The following IQGAP2 variants were observed in gnomAD, a reference collection of about 807,000 sequenced individuals.
IQGAP2 encodes the protein IQ motif containing GTPase activating protein 2, also known as ras GTPase-activating-like protein IQGAP2.
A neutral mutation model predicts 201.3 loss-of-function variants in IQGAP2; 173 were observed. That is an observed-to-expected ratio of 0.86 (90% CI 0.76 to 0.98). IQGAP2 has a LOEUF of 0.98. Among genes scored for constraint, IQGAP2 ranks in the 50% least tolerant of loss-of-function variants. The pLI, the probability that IQGAP2 is intolerant of heterozygous loss-of-function variation, is 0.00. For synonymous variants in IQGAP2, 675 were observed against 673.9 expected (o/e 1.00, Z -0.03); for missense variants, 1,687 against 1,864.8 (o/e 0.90, Z 1.76).
At chr5:76,628,684 G>A (rs1388496797) in intron 14 of IQGAP2, 3 of 456,218 alleles carry the variant, frequency 6.6e-6, no homozygotes, top group South Asian at 4.6e-5. Flanking sequence ...TTACTCCACA[G>A]ATGGGCTTTT....
At chr5:76,543,806 A>G (rs1742929364) in intron 2 of IQGAP2, among the ~76,000 whole-genome samples, 1 of 152,040 alleles carries the variant, frequency 6.6e-6, no homozygotes, top group South Asian at 2.1e-4. Flanking sequence ...GGTAGATGGG[A>G]CGAGGTTTTT....
At chr5:76,459,778 A>G (rs1754323159) in intron 1 of IQGAP2, among the ~76,000 whole-genome samples, 1 of 152,022 alleles carries the variant, frequency 6.6e-6, no homozygotes, top group East Asian at 1.9e-4. Flanking sequence ...AGCTGGGATT[A>G]CAGCTGGGAT....
intron 1 of IQGAP2, among the ~76,000 whole-genome samples, chr5:76,434,914 G>T (rs1316359082): frequency 6.6e-6 from 1 of 152,030 alleles, no homozygotes; most frequent in Non-Finnish European, 1.5e-5. Context: ...GAGTAAGGTG[G>T]TATCTCATTG....
intron 1 of IQGAP2, among the ~76,000 whole-genome samples, chr5:76,430,266 C>A (rs543200838): frequency 1.3e-5 from 2 of 152,212 alleles, no homozygotes; most frequent in South Asian, 4.2e-4. Context: ...GCTGTCTCTG[C>A]TCCATTTACT....
At chr5:76,544,474 CAT>C (rs1006316303) in intron 2 of IQGAP2, among the ~76,000 whole-genome samples, 3 of 151,730 alleles carry the variant, frequency 2.0e-5, no homozygotes, top group Non-Finnish European at 4.4e-5. Context: ...AAATCAAGGA[CAT>C]ATAGCCAAGC....
chr5:76,559,133 C>T (rs1412085841), intron 2 of IQGAP2, among the ~76,000 whole-genome samples: 2 of 152,116 alleles, frequency 1.3e-5, no homozygotes, highest in Admixed American at 6.5e-5. Flanking sequence ...TATCTCCTGA[C>T]CTCGTGATCC....
chr5:76,465,108 C>G (rs1328424441), intron 2 of IQGAP2, among the ~76,000 whole-genome samples: 1 of 152,122 alleles, frequency 6.6e-6, no homozygotes, highest in Non-Finnish European at 1.5e-5. Context: ...AACCAGATAG[C>G]CATCTCAAGA....
At chr5:76,490,779 C>G (rs904022026) in intron 2 of IQGAP2, among the ~76,000 whole-genome samples, 2 of 151,826 alleles carry the variant, frequency 1.3e-5, no homozygotes, top group Non-Finnish European at 1.5e-5. Context: ...ACGAAAATAC[C>G]ATTATGTTAA....
chr5:76,610,095 TATATATATATATATATATA>T (rs1385621600), intron 12 of IQGAP2, among the ~76,000 whole-genome samples: 1 of 15,986 alleles, frequency 6.3e-5, no homozygotes, highest in African/African-American at 1.7e-4. Context: ...TATATATATA[TATATATATATATATATATA>T]TTTTTTTTTT....
intron 17 of IQGAP2, among the ~76,000 whole-genome samples, chr5:76,647,129 G>A (rs1255452476): frequency 6.6e-6 from 1 of 151,918 alleles, no homozygotes; most frequent in Admixed American, 6.6e-5. Context: ...TCTGCTTCTG[G>A]GGAAATGGAA....
intron 17 of IQGAP2, among the ~76,000 whole-genome samples, chr5:76,647,231 A>T (rs888880365): frequency 6.6e-6 from 1 of 152,220 alleles, no homozygotes; most frequent in South Asian, 2.1e-4. Context: ...AGTGAAGAGA[A>T]AAAAGTCAGA....
At chr5:76,576,061 T>A (rs921719710) in intron 5 of IQGAP2, among the ~76,000 whole-genome samples, 1 of 152,174 alleles carries the variant, frequency 6.6e-6, no homozygotes, top group African/African-American at 2.4e-5. Flanking sequence ...CTTCTAGAAA[T>A]CCAATTGTAA....
chr5:76,438,988 T>C (rs1752877472), intron 1 of IQGAP2, among the ~76,000 whole-genome samples: 1 of 152,218 alleles, frequency 6.6e-6, no homozygotes, highest in Admixed American at 6.5e-5. Flanking sequence ...TGTTGTCAAT[T>C]TGTGATCTTT....
intron 12 of IQGAP2, among the ~76,000 whole-genome samples, chr5:76,609,771 T>C (rs1222046075): frequency 2.2e-4 from 34 of 151,880 alleles, no homozygotes; most frequent in Non-Finnish European, 8.8e-5. Context: ...TAACAGTTCT[T>C]ATCCATCAGT....
rs534465098 is a variant in IQGAP2 at position 76,582,705 on chromosome 5, G to C, written c.459-6201G>C. ...ATACCACTAGTTTTATCTTGAAAGT[G>C]GTAGAAAAAACTAATGCCATGTGAT... is the stretch of plus-strand genomic sequence containing the variant. On this transcript the variant is annotated intron_variant, in intron 5 of 35. Transcript: ENST00000274364. 3.9e-5 allele frequency among the ~76,000 whole-genome samples: 6 copies of C among 152,188 alleles called. No homozygotes were observed. In the East Asian group the frequency reaches 1.2e-3, roughly 29 times the overall value.
chr5:76,431,672 A>T (rs1752374749), intron 1 of IQGAP2, among the ~76,000 whole-genome samples: 1 of 152,184 alleles, frequency 6.6e-6, no homozygotes, highest in Admixed American at 6.5e-5. Context: ...AAAATATAAA[A>T]ATTAGCCAAG....
intron 2 of IQGAP2, among the ~76,000 whole-genome samples, chr5:76,532,280 G>A (rs770235821): frequency 2.0e-4 from 31 of 152,106 alleles, no homozygotes; most frequent in Non-Finnish European, 4.3e-4. Flanking sequence ...GCTGAATTGC[G>A]AGCATTGCTT....
chr5:76,599,956 G>C (rs904677359), intron 10 of IQGAP2, among the ~76,000 whole-genome samples: 28 of 152,022 alleles, frequency 1.8e-4, no homozygotes, highest in Middle Eastern at 3.2e-3. Context: ...GTATTTTTTT[G>C]GATAAGCTAA....
intron 17 of IQGAP2, among the ~76,000 whole-genome samples, chr5:76,642,880 C>T (rs1309507493): frequency 1.3e-5 from 2 of 152,184 alleles, no homozygotes; most frequent in African/African-American, 4.8e-5. Flanking sequence ...GCATGATCAA[C>T]ATCCAGCATT....
Sources: gnomAD v4.1 joint callset for allele counts (sites outside exome capture counted in the v4.1 genomes callset) on GRCh38, gnomAD v4.1.1 for gene constraint, MANE v1.5 for transcripts, NCBI Gene and HGNC (gene_info 2026-07-23, HGNC 2026-07-21) for gene names.